Variants in RDH13 observed in about 807,000 individuals in gnomAD.
RDH13 encodes retinol dehydrogenase 13 (all-trans and 9-cis).
A neutral mutation model predicts 28.3 loss-of-function variants in RDH13; 35 were observed. That is an observed-to-expected ratio of 1.24 (90% CI 0.95 to 1.64). The LOEUF is 1.64. Among genes scored for constraint, RDH13 ranks in the 40% most tolerant of loss-of-function variants. The pLI is 0.00. For synonymous variants in RDH13, 229 were observed against 198.5 expected (o/e 1.15, Z -1.29); for missense variants, 514 against 446.3 (o/e 1.15, Z -1.37).
chr19:55,048,840 G>A, intron 3 of RDH13, 77 bp from the exon 4 acceptor site: 1 of 1,256,662 alleles, frequency 8.0e-7, no homozygotes, highest in Non-Finnish European at 1.1e-6. Context: ...AAACACTCCT[G>A]TGCTCCCACA....
exon 3 of RDH13, chr19:55,039,195 G>A (rs1338692794): frequency 2.6e-5 from 4 of 152,210 alleles, no homozygotes; most frequent in Non-Finnish European, 1.5e-5. Context: ...TAAACAACAT[G>A]TGGTATATAC....
chr19:55,048,528 C>T lies in RDH13; in HGVS notation c.459G>A (p.Leu153=), dbSNP rs1722445147. The T allele has an allele frequency of 6.2e-7, 1 of 1,614,158 alleles. No homozygotes were observed. The highest frequency in any genetic ancestry group is 8.5e-7 in the Non-Finnish European group (1 of 1,180,022). ...TCAGCTTGTCCAGCAGCAAGTTTGTCAAGAGAAAGTGACCTGGATTAAGGA... is the reference window on the plus strand; with the variant it reads ...TCAGCTTGTCCAGCAGCAAGTTTGTTAAGAGAAAGTGACCTGGATTAAGGA... ...FGVNHLGHFL[L]TNLLLDKLKA... The change falls in exon 5 of 7, where the codon TTG becomes TTA. Residue 153 remains leucine, a synonymous_variant. Transcript: ENST00000415061.
intron 3 of RDH13, among the ~76,000 whole-genome samples, chr19:55,051,877 G>A (rs773949775): frequency 4.0e-4 from 60 of 151,796 alleles, no homozygotes; most frequent in African/African-American, 1.4e-3. Flanking sequence ...AACCACAGGC[G>A]CCCGACACCA....
At chr19:55,067,280 G>C (rs944543365), upstream of RDH13, 1 of 152,202 alleles carries the variant, frequency 6.6e-6, no homozygotes, top group African/African-American at 2.4e-5. Flanking sequence ...TGACCTCCCA[G>C]TTAAGATGGA....
At chr19:55,061,846 G>A (rs567372314) in intron 1 of RDH13, among the ~76,000 whole-genome samples, 34 of 147,332 alleles carry the variant, frequency 2.3e-4, no homozygotes, top group Non-Finnish European at 3.6e-4. Flanking sequence ...GGCCGGGCAC[G>A]GTGGCTCACG....
intron 3 of RDH13, among the ~76,000 whole-genome samples, chr19:55,052,545 A>AT (rs1361149319): frequency 6.8e-6 from 1 of 148,066 alleles, no homozygotes; most frequent in Non-Finnish European, 1.5e-5. Context: ...TCCGTCTTAA[A>AT]AAAAAAAAAA....
intron 1 of RDH13, among the ~76,000 whole-genome samples, 181 bp from the exon 2 acceptor site, chr19:55,059,456 T>A (rs2075743062): frequency 6.6e-6 from 1 of 152,248 alleles, no homozygotes; most frequent in Admixed American, 6.5e-5. Flanking sequence ...CCACCCAGTG[T>A]CTGGCGTGTG....
intron 1 of RDH13, among the ~76,000 whole-genome samples, chr19:55,060,108 A>G (rs917068634): frequency 6.6e-6 from 1 of 151,126 alleles, no homozygotes; most frequent in Non-Finnish European, 1.5e-5. Context: ...ACCGTCCCCC[A>G]GCCCAACACC....
chr19:55,059,084 G>T, intron 2 of RDH13, 73 bp downstream of exon 2: 1 of 1,024,284 alleles, frequency 9.8e-7, no homozygotes, highest in Non-Finnish European at 1.5e-6. Context: ...TCCACCTCCG[G>T]ACTGTGAATA....
intron 6 of RDH13, chr19:55,046,741 C>T (rs1048369798): frequency 2.0e-5 from 3 of 152,120 alleles, no homozygotes; most frequent in African/African-American, 7.3e-5. Context: ...TATGGTGAAA[C>T]CCCACCTCTA....
Position 55,056,726 on chromosome 19 carries a change from G to T in RDH13, c.267C>A (p.His89Gln). ...AKDIRGETLN[H>Q]HVNARHLDLA... Reference sequence around the variant, plus strand: ...AGTCCAGGTGCCGGGCGTTGACATGGTGATTGAGGGTCTCCCCGCGGATGT... The same window carrying T: ...AGTCCAGGTGCCGGGCGTTGACATGTTGATTGAGGGTCTCCCCGCGGATGT... Residue 89 changes from histidine to glutamine, a missense_variant, in exon 3 of 7, where the codon CAC becomes CAA. Physicochemically the swap from His to Gln is conservative, Grantham distance 24. Coordinates refer to ENST00000415061, the MANE Select transcript of RDH13 (RefSeq NM_001145971.2). The T allele has an allele frequency of 6.2e-7, 1 of 1,614,080 alleles. No homozygotes were observed. The highest frequency in any genetic ancestry group is 1.1e-5 in the South Asian group (1 of 91,064).
At chr19:55,059,061 T>C (rs1015657464) in intron 2 of RDH13, 96 bp downstream of exon 2, 2 of 754,752 alleles carry the variant, frequency 2.6e-6, no homozygotes, top group Non-Finnish European at 4.6e-6. Context: ...TGTGGATGGG[T>C]GCCTGGGTTC....
intron 3 of RDH13, among the ~76,000 whole-genome samples, chr19:55,052,953 C>T (rs890710079): frequency 3.3e-5 from 5 of 152,148 alleles, no homozygotes; most frequent in Admixed American, 2.0e-4. Flanking sequence ...TGAGCCTGCA[C>T]GCCTGCCTGA....
upstream of RDH13, among the ~76,000 whole-genome samples, chr19:55,064,682 A>G (rs182896050): frequency 0.07 from 10,448 of 149,488 alleles, 430 homozygotes; most frequent in Middle Eastern, 0.16. Context: ...GGGCGATCTC[A>G]GCTCACTGCA....
At chr19:55,055,834 C>G (rs1422267591) in intron 3 of RDH13, among the ~76,000 whole-genome samples, 1 of 151,830 alleles carries the variant, frequency 6.6e-6, no homozygotes, top group Non-Finnish European at 1.5e-5. Context: ...GCCTGGGTGA[C>G]AGAGATGGAT....
rs1228367411 is a variant in RDH13 at position 55,044,883 on chromosome 19, C to T, written c.*191G>A. The T allele has an allele frequency of 1.9e-5, 10 of 535,440 alleles. No individual in the cohort carries two copies. Among genetic ancestry groups the T allele is most frequent in the Non-Finnish European group, 3.3e-5 (10 of 304,784 alleles). The allele number at this position is 535,440 out of a possible 1,614,324, so 33.2% of individuals were successfully genotyped here. ...TGGCAGCAGAGCAGACGGAACCAGC[C>T]AGAGCCCAGGGCAGTGCTCACCTGC... On this transcript the variant is annotated 3_prime_UTR_variant, in exon 7 of 7. Coordinates refer to ENST00000415061, the MANE Select transcript of RDH13 (RefSeq NM_001145971.2).
chr19:55,045,417 CCT>C, intron 6 of RDH13, 108 bp from the exon 7 acceptor site: 7 of 777,336 alleles, frequency 9.0e-6, no homozygotes, highest in Non-Finnish European at 1.0e-5. Context: ...ACAGAGCCCT[CCT>C]CTAGCCCTTT....
rs2075834675 is a variant in RDH13, at chr19:55,062,426, T to C, written c.65+542A>G. ...GGCTGGGCGAGGTGGCTCACGTCTG[T>C]AATCCCAGCACTTTGGAGGCCGAGG... On this transcript the variant is annotated intron_variant, in intron 1 of 6. Transcript: ENST00000415061. Among the ~76,000 whole-genome samples the C allele has an allele frequency of 2.6e-5, 4 of 152,144 alleles. No homozygotes were observed. In the South Asian group the frequency reaches 8.3e-4, roughly 31 times the overall value.
intron 6 of RDH13, among the ~76,000 whole-genome samples, chr19:55,045,672 G>A (rs765337310): frequency 3.3e-5 from 5 of 152,058 alleles, no homozygotes; most frequent in East Asian, 1.9e-4. Flanking sequence ...TTGGCCAGGC[G>A]AGGTGGCTCA....
Sources: gnomAD v4.1 joint callset for allele counts (sites outside exome capture counted in the v4.1 genomes callset) on GRCh38, gnomAD v4.1.1 for gene constraint, MANE v1.5 for transcripts, NCBI Gene and HGNC (gene_info 2026-07-23, HGNC 2026-07-21) for gene names.